Variants in ZFAT observed in about 807,000 individuals in gnomAD.
ZFAT encodes zinc finger protein ZFAT.
ZFAT carries 64 observed loss-of-function variants against 117.7 expected under a neutral mutation model. That is an observed-to-expected ratio of 0.54 (90% CI 0.44 to 0.67). The LOEUF is 0.67. Among genes scored for constraint, ZFAT ranks in the 30% least tolerant of loss-of-function variants. The pLI, the probability that ZFAT is intolerant of heterozygous loss-of-function variation, is 0.00. For missense variants in ZFAT, 1,433 were observed against 1,584.5 expected (o/e 0.90, Z 1.62); for synonymous variants, 679 against 615.0 (o/e 1.10, Z -1.54).
intron 1 of ZFAT, among the ~76,000 whole-genome samples, chr8:134,691,082 G>A (rs1199643360): frequency 6.6e-6 from 1 of 152,154 alleles, no homozygotes; most frequent in Non-Finnish European, 1.5e-5. Context: ...TCCAAACAAG[G>A]TCAGAAAGTC....
chr8:134,501,577 G>C (rs1002289828), intron 15 of ZFAT, among the ~76,000 whole-genome samples: 1 of 152,120 alleles, frequency 6.6e-6, no homozygotes, highest in Admixed American at 6.5e-5. Flanking sequence ...AAGATGCTAG[G>C]GTTCCATTAC....
At chr8:134,806,292 C>T in the ZFAT span, among the ~76,000 whole-genome samples, 1 of 152,126 alleles carries the variant, frequency 6.6e-6, no homozygotes, top group Admixed American at 6.5e-5. Flanking sequence ...CTCTGAAATA[C>T]TTTTTGTTTA....
At chr8:134,554,721 G>A (rs1563842427) in intron 11 of ZFAT, among the ~76,000 whole-genome samples, 1 of 152,210 alleles carries the variant, frequency 6.6e-6, no homozygotes, top group Non-Finnish European at 1.5e-5. Context: ...GCAGCATCCT[G>A]AAACGCTGGC....
intron 2 of ZFAT, among the ~76,000 whole-genome samples, chr8:134,651,413 G>T (rs1429059991): frequency 6.6e-6 from 1 of 152,166 alleles, no homozygotes; most frequent in Non-Finnish European, 1.5e-5. Context: ...CTGCTTAATG[G>T]GTACAGAGCT....
At chr8:134,769,408 C>T in the ZFAT span, among the ~76,000 whole-genome samples, 2 of 152,190 alleles carry the variant, frequency 1.3e-5, no homozygotes, top group Non-Finnish European at 2.9e-5. Context: ...TCTTAAAGTT[C>T]CAAAATTATC....
chr8:134,678,156 T>C (rs576123446), intron 1 of ZFAT, among the ~76,000 whole-genome samples: 47 of 152,322 alleles, frequency 3.1e-4, no homozygotes, highest in African/African-American at 1.0e-3. Flanking sequence ...GGAAGTCAAA[T>C]TGTCTCTGTT....
At chr8:134,637,777 C>T in intron 2 of ZFAT, 65 bp from the exon 3 acceptor site, 2 of 1,552,920 alleles carry the variant, frequency 1.3e-6, no homozygotes, top group Non-Finnish European at 1.7e-6. Flanking sequence ...TCACAATCAC[C>T]CTCCAAGTGT....
chr8:134,788,582 C>A, the ZFAT span, among the ~76,000 whole-genome samples: 4 of 151,948 alleles, frequency 2.6e-5, no homozygotes, highest in Non-Finnish European at 5.9e-5. Flanking sequence ...TTTTTTAAAT[C>A]AAGTATTCAT....
chr8:134,527,096 G>A (rs533407689), intron 12 of ZFAT, among the ~76,000 whole-genome samples: 1 of 152,188 alleles, frequency 6.6e-6, no homozygotes, highest in South Asian at 2.1e-4. Flanking sequence ...GGCAGGAGAG[G>A]GCACAGAGAT....
the ZFAT span, among the ~76,000 whole-genome samples, chr8:134,725,028 C>A: frequency 1.3e-5 from 2 of 152,154 alleles, no homozygotes; most frequent in African/African-American, 2.4e-5. Context: ...AAACAGCCCC[C>A]CATCTGCTCC....
At position 134,663,582 on chromosome 8, in the gene ZFAT, C is replaced by A. The variant is rs1427888647; in HGVS notation, c.20-5845G>T. 3.3e-5 allele frequency among the ~76,000 whole-genome samples: 5 copies of A among 151,266 alleles called. No homozygotes were observed. In the East Asian group the frequency reaches 9.7e-4, roughly 29 times the overall value. ...TGAAACCCCGTCTCCACTAAAAATA[C>A]AAAAAATTAGCCGGGGGTGGGGGCA... On this transcript the variant is annotated intron_variant, in intron 1 of 15. Coordinates refer to ENST00000377838, the MANE Select transcript of ZFAT (RefSeq NM_020863.4).
chr8:134,666,270 C>A (rs960467150), intron 1 of ZFAT, among the ~76,000 whole-genome samples: 2 of 152,170 alleles, frequency 1.3e-5, no homozygotes, highest in Non-Finnish European at 2.9e-5. Context: ...ACTTCTACCC[C>A]CCATTGGCAG....
At chr8:134,499,348 C>CTT (rs1818766498) in intron 15 of ZFAT, among the ~76,000 whole-genome samples, 1 of 116,468 alleles carries the variant, frequency 8.6e-6, no homozygotes, top group African/African-American at 3.3e-5. Flanking sequence ...GATGCCCCAG[C>CTT]TGCTGGTTAC....
intron 14 of ZFAT, among the ~76,000 whole-genome samples, chr8:134,511,696 G>A (rs369276072): frequency 6.6e-6 from 1 of 152,128 alleles, no homozygotes; most frequent in Non-Finnish European, 1.5e-5. Context: ...ACATTAACTT[G>A]TGTTCTGTTC....
chr8:134,480,730 C>T (rs1408283424), intron 15 of ZFAT, among the ~76,000 whole-genome samples: 1 of 152,172 alleles, frequency 6.6e-6, no homozygotes, highest in East Asian at 1.9e-4. Context: ...TGAGGTCCCA[C>T]TCACGACATG....
chr8:134,820,511 A>G, the ZFAT span, among the ~76,000 whole-genome samples: 1 of 152,232 alleles, frequency 6.6e-6, no homozygotes, highest in African/African-American at 2.4e-5. Context: ...GGTGCCTTAC[A>G]GCACAGTATT....
intron 1 of ZFAT, among the ~76,000 whole-genome samples, chr8:134,666,685 C>T (rs149951238): frequency 2.6e-5 from 4 of 151,504 alleles, no homozygotes. Flanking sequence ...AGGATGGGCT[C>T]AAAGCAGAAT....
At chr8:134,551,251 T>C (rs1349490593) in intron 11 of ZFAT, among the ~76,000 whole-genome samples, 3 of 152,224 alleles carry the variant, frequency 2.0e-5, no homozygotes, top group African/African-American at 7.2e-5. Context: ...CTCATAGAAA[T>C]TGTGTTACTC....
rs553524815 is a variant in ZFAT at position 134,502,556 on chromosome 8, T to C, written c.3492+7063A>G. Among the ~76,000 whole-genome samples the C allele has an allele frequency of 3.1e-4, 47 of 152,348 alleles. 1 individual carries two copies. The highest frequency in any genetic ancestry group is 2.6e-3 in the Admixed American group (40 of 15,302). On this transcript the variant is annotated intron_variant, in intron 15 of 15. Coordinates refer to ENST00000377838, the MANE Select transcript of ZFAT (RefSeq NM_020863.4). The stretch of plus-strand genomic sequence containing the variant: ...GCTCCCTCTCAGGCTTCACGCTGTA[T>C]GCTGAGCCCAGGGTGGGGGCTCTGC...
Sources: allele counts gnomAD v4.1 joint callset (sites outside exome capture counted in the v4.1 genomes callset), GRCh38; gene constraint gnomAD v4.1.1; transcripts MANE v1.5; gene names NCBI Gene and HGNC (gene_info 2026-07-23, HGNC 2026-07-21).